The following PTH1R variants were observed in gnomAD, a reference collection of about 807,000 sequenced individuals.
PTH1R encodes the protein parathyroid hormone 1 receptor, also known as parathyroid hormone/parathyroid hormone-related peptide receptor.
PTH1R carries 32 observed loss-of-function variants against 70.7 expected under a neutral mutation model. That is an observed-to-expected ratio of 0.45 (90% CI 0.34 to 0.61). The LOEUF is 0.61. Ranked by LOEUF, PTH1R falls within the 20% of genes least tolerant of loss-of-function variation. The probability of loss-of-function intolerance (pLI) is 0.01; values close to 1 mark genes in which losing one functional copy is unlikely to be tolerated. For missense variants in PTH1R, 626 were observed against 792.5 expected (o/e 0.79, Z 2.52); for synonymous variants, 329 against 324.8 (o/e 1.01, Z -0.14).
chr3:46,885,520 CTA>C (rs1427234238), intron 3 of PTH1R, among the ~76,000 whole-genome samples: 1 of 152,172 alleles, frequency 6.6e-6, no homozygotes, highest in Non-Finnish European at 1.5e-5. Flanking sequence ...CCCTGTGCCT[CTA>C]TGTGTGTGTG....
chr3:46,878,132 A>G (rs1575503232), intron 1 of PTH1R, among the ~76,000 whole-genome samples: 1 of 151,868 alleles, frequency 6.6e-6, no homozygotes, highest in Non-Finnish European at 1.5e-5. Context: ...CCCTCCCTTC[A>G]CCTTCCTGAG....
At position 46,896,002 on chromosome 3, in the gene PTH1R, C is replaced by A; in HGVS notation, c.313+133C>A. The A allele has an allele frequency of 8.3e-7, 1 of 1,210,458 alleles. No individual in the cohort carries two copies. Among genetic ancestry groups the A allele is most frequent in the Non-Finnish European group, 1.2e-6 (1 of 852,072 alleles). 75.0% of individuals were successfully genotyped at this position (1,210,458 alleles called of 1,614,324 possible). A position where few individuals can be genotyped will look rare whatever the true frequency, so the allele number is the denominator to read the frequency against. ...AAAAGGCTGCAGCCACATCCCCAGG[C>A]AAGGGGCTGGGAGAAGACAGAGTGT... On this transcript the variant is annotated intron_variant, in intron 5 of 15. Transcript: ENST00000449590. This position sits in a 1 kb window ranked among gnomAD's most constrained non-coding sequence, Gnocchi z 4.1.
chr3:46,888,706 C>T (rs2031194746), intron 3 of PTH1R, among the ~76,000 whole-genome samples: 1 of 152,234 alleles, frequency 6.6e-6, no homozygotes, highest in African/African-American at 2.4e-5. Context: ...GGATCCCATT[C>T]TGCTGAGCAG....
chr3:46,887,089 A>C (rs751972554), intron 3 of PTH1R, among the ~76,000 whole-genome samples: 1 of 151,960 alleles, frequency 6.6e-6, no homozygotes, highest in Non-Finnish European at 1.5e-5. Context: ...AGAATACAAA[A>C]ATTAGCCACG....
chr3:46,903,512 G>A lies in PTH1R; in HGVS notation c.1638G>A (p.Glu546=). Residue 546 remains glutamate (E), a synonymous_variant, in exon 16 of 16, where the codon GAG becomes GAA. Transcript: ENST00000449590. The surrounding 1 kb of genome is among the most constrained non-coding windows in gnomAD (Gnocchi z 4.4). ...GHAKPGTPAL[E]TLETTPPAMA... is the part of the protein sequence containing the mutation. ...CCAAGCCAGGGACCCCAGCCCTGGA[G>A]ACCCTCGAGACCACACCACCTGCCA... is the stretch of plus-strand genomic sequence containing the variant. 1 of 1,613,954 alleles carries A rather than the reference G, an allele frequency of 6.2e-7. No homozygotes were observed. The highest frequency in any genetic ancestry group is 1.7e-5 in the Admixed American group (1 of 60,032).
rs764927778 is a variant in PTH1R at position 46,898,372 on chromosome 3, G to A, written c.544-6G>A. ...CTCTGACTGTGTCTCCCCCCGCCCC[G>A]CACAGGAGGTGTTTGACCGCCTGGG... On this transcript the variant is annotated splice_polypyrimidine_tract_variant and splice_region_variant and intron_variant, in intron 7 of 15. Coordinates refer to ENST00000449590, the MANE Select transcript of PTH1R (RefSeq NM_000316.3). The A allele has an allele frequency of 2.5e-6, 4 of 1,613,478 alleles. No homozygotes were observed. Among genetic ancestry groups the A allele is most frequent in the East Asian group, 2.2e-5 (1 of 44,856 alleles).
chr3:46,889,741 C>T (rs1048542991), intron 3 of PTH1R, among the ~76,000 whole-genome samples: 7 of 152,132 alleles, frequency 4.6e-5, no homozygotes, highest in Admixed American at 3.3e-4. Context: ...ACAGCTGGTG[C>T]AGGGCTGGGT....
chr3:46,898,659 C>A lies in PTH1R; in HGVS notation c.639-3C>A. ...ACCCACGGTCATGTCGCGCGCCCCG[C>A]AGGCGGCTGCACTGCACGCGCAACT... On this transcript the variant is annotated splice_polypyrimidine_tract_variant and splice_region_variant and intron_variant, in intron 8 of 15. Transcript: ENST00000449590. The A allele has an allele frequency of 6.2e-7, 1 of 1,611,824 alleles. No individual in the cohort carries two copies.
chr3:46,891,327 G>T lies in PTH1R; in HGVS notation c.76-2580G>T, dbSNP rs2031403703. Among the ~76,000 whole-genome samples, 1 of 152,242 alleles carries T rather than the reference G, an allele frequency of 6.6e-6. No homozygotes were observed. The highest frequency in any genetic ancestry group is 2.4e-5 in the African/African-American group (1 of 41,466). ...TGAGCCAATTCCTTGAGCCAGTGAG[G>T]GGTGTGTTGGTCAGCTTTCGGTGGT... is the stretch of plus-strand genomic sequence containing the variant. On this transcript the variant is annotated intron_variant, in intron 3 of 15. Transcript: ENST00000449590. This position sits in a 1 kb window ranked among gnomAD's most constrained non-coding sequence, Gnocchi z 4.3.
intron 3 of PTH1R, among the ~76,000 whole-genome samples, chr3:46,886,334 C>T (rs1409734600): frequency 6.6e-6 from 1 of 152,112 alleles, no homozygotes; most frequent in African/African-American, 2.4e-5. Context: ...CCAGCCTGCT[C>T]CAGGGGCAGC....
In PTH1R at chr3:46,883,400, G is replaced by T; in HGVS notation, c.-48-112G>T. The stretch of plus-strand genomic sequence containing the variant: ...TCGCTCGCTCGCCCTCAGCGCATGG[G>T]CCCCGCGCCGGGCCCCGGGGCCTCG... On this transcript the variant is annotated intron_variant, in intron 2 of 15. Transcript: ENST00000449590. This position sits in a 1 kb window ranked among gnomAD's most constrained non-coding sequence, Gnocchi z 6.4. 2.7e-6 allele frequency: 1 copy of T among 365,616 alleles called. No homozygotes were observed. The highest frequency in any genetic ancestry group is 1.3e-4 in the South Asian group (1 of 7,588). 22.6% of individuals were successfully genotyped at this position (365,616 alleles called of 1,614,324 possible). A position where few individuals can be genotyped will look rare whatever the true frequency, so the allele number is the denominator to read the frequency against.
intron 3 of PTH1R, among the ~76,000 whole-genome samples, chr3:46,887,868 G>A (rs1266257526): frequency 1.3e-5 from 2 of 152,184 alleles, no homozygotes; most frequent in African/African-American, 2.4e-5. Flanking sequence ...CATAATTTGT[G>A]TGTGTGTCTA....
At chr3:46,885,557 T>C (rs1265513893) in intron 3 of PTH1R, among the ~76,000 whole-genome samples, 1 of 152,034 alleles carries the variant, frequency 6.6e-6, no homozygotes, top group Non-Finnish European at 1.5e-5. Flanking sequence ...AGAGCCCCAC[T>C]GCTCTCCAGG....
chr3:46,902,712 C>T lies in PTH1R; in HGVS notation c.1354-37C>T, dbSNP rs201081581. Reference sequence around the variant, plus strand: ...GCCTGGCTGAGGGTGGGAGGGGTTCCGGGGGCAGGCCTGATTCGAGACACC... The same window carrying T: ...GCCTGGCTGAGGGTGGGAGGGGTTCTGGGGGCAGGCCTGATTCGAGACACC... On this transcript the variant is annotated intron_variant, in intron 14 of 15. Transcript: ENST00000449590. The surrounding 1 kb of genome is among the most constrained non-coding windows in gnomAD (Gnocchi z 5.4). 1.4e-5 allele frequency: 23 copies of T among 1,611,710 alleles called. No homozygotes were observed. Among genetic ancestry groups the T allele is most frequent in the Middle Eastern group, 1.6e-4 (1 of 6,080 alleles).
At chr3:46,897,739 CAA>C in intron 5 of PTH1R, 114 bp from the exon 6 acceptor site, 5 of 1,017,278 alleles carry the variant, frequency 4.9e-6, no homozygotes, top group Non-Finnish European at 7.5e-6. Context: ...CTCAAAAAAA[CAA>C]AACAAAACAA....
At chr3:46,889,043 G>A (rs2031223248) in intron 3 of PTH1R, among the ~76,000 whole-genome samples, 1 of 152,258 alleles carries the variant, frequency 6.6e-6, no homozygotes, top group South Asian at 2.1e-4. Flanking sequence ...AGGGCAGCAG[G>A]GGTGGGGGAG....
chr3:46,890,176 A>C (rs2031317792), intron 3 of PTH1R, among the ~76,000 whole-genome samples: 1 of 152,120 alleles, frequency 6.6e-6, no homozygotes, highest in Admixed American at 6.5e-5. Context: ...CTTCCATCCC[A>C]AAAGCTTGCC....
intron 9 of PTH1R, among the ~76,000 whole-genome samples, 191 bp downstream of exon 9, chr3:46,899,048 G>A (rs897224937): frequency 6.6e-6 from 1 of 152,136 alleles, no homozygotes; most frequent in Non-Finnish European, 1.5e-5. Context: ...CAAGGGCTCC[G>A]AGTGTCCCAC....
chr3:46,895,179 G>A (rs562093925), intron 4 of PTH1R, among the ~76,000 whole-genome samples: 1 of 152,084 alleles, frequency 6.6e-6, no homozygotes, highest in East Asian at 1.9e-4. Context: ...CACTGTGGAA[G>A]CTGTGAACCA....
Sources: allele counts gnomAD v4.1 joint callset (sites outside exome capture counted in the v4.1 genomes callset), GRCh38; gene constraint gnomAD v4.1.1; non-coding constraint Gnocchi (gnomAD v3.1); transcripts MANE v1.5; gene names NCBI Gene and HGNC (gene_info 2026-07-23, HGNC 2026-07-21).